The following ZNF114 variants were observed in gnomAD, a reference collection of about 807,000 sequenced individuals.
ZNF114 encodes the protein zinc finger protein 114.
ZNF114 carries 8 observed loss-of-function variants against 6.8 expected under a neutral mutation model. That is an observed-to-expected ratio of 1.18 (90% CI 0.69 to 2.13). The LOEUF is 2.13. Among genes scored for constraint, ZNF114 ranks in the 30% most tolerant of loss-of-function variants. ZNF114 has a pLI of 0.00. For synonymous variants in ZNF114, 169 were observed against 185.5 expected (o/e 0.91, Z 0.72); for missense variants, 472 against 519.5 (o/e 0.91, Z 0.89).
chr19:48,277,154 C>G (rs551641566), intron 3 of ZNF114, among the ~76,000 whole-genome samples: 2 of 151,362 alleles, frequency 1.3e-5, no homozygotes, highest in East Asian at 1.9e-4. Context: ...GAATGAGACC[C>G]TGTCTCAAAA....
chr19:48,273,494 G>A (rs559643390), intron 3 of ZNF114, among the ~76,000 whole-genome samples: 3 of 151,058 alleles, frequency 2.0e-5, no homozygotes, highest in East Asian at 3.9e-4. Context: ...CAGAACCGGC[G>A]CTCCAATTGT....
chr19:48,287,272 G>T lies in ZNF114; in HGVS notation c.*394G>T, dbSNP rs1414754905. ...GCACTTTGGGAGGCCGAGGCGGGCGGATCACGAGGTCAGGAGATCAAGACC... is the reference window on the plus strand; with the variant it reads ...GCACTTTGGGAGGCCGAGGCGGGCGTATCACGAGGTCAGGAGATCAAGACC... On this transcript the variant is annotated 3_prime_UTR_variant, in exon 6 of 6. Transcript: ENST00000595607. The T allele has an allele frequency of 6.4e-6, 1 of 155,818 alleles. No individual in the cohort carries two copies. Among genetic ancestry groups the T allele is most frequent in the Non-Finnish European group, 1.4e-5 (1 of 70,480 alleles). The allele number at this position is 155,818 out of a possible 1,614,324, so 9.7% of individuals were successfully genotyped here.
intron 3 of ZNF114, among the ~76,000 whole-genome samples, chr19:48,272,621 C>CTTTTTTTTTTTTTTTTGAGAGGGAGTCT (rs1568989041): frequency 1.5e-4 from 19 of 124,924 alleles, no homozygotes; most frequent in African/African-American, 6.1e-4. Flanking sequence ...TTGCAGTGAG[C>CTTTTTTTTTTTTTTTTGAGAGGGAGTCT]CGAGATCGTG....
chr19:48,284,381 A>G (rs1968064512), intron 5 of ZNF114, among the ~76,000 whole-genome samples: 1 of 152,054 alleles, frequency 6.6e-6, no homozygotes, highest in Non-Finnish European at 1.5e-5. Flanking sequence ...CCCAGCCAAC[A>G]TGGCAAAACA....
chr19:48,275,220 G>A (rs1967794035), intron 3 of ZNF114, among the ~76,000 whole-genome samples: 1 of 142,054 alleles, frequency 7.0e-6, no homozygotes, highest in Non-Finnish European at 1.5e-5. Flanking sequence ...GAGAAAGAGA[G>A]AGGGAAGGAA....
intron 3 of ZNF114, among the ~76,000 whole-genome samples, chr19:48,274,758 G>A (rs1027622952): frequency 2.6e-5 from 4 of 151,646 alleles, no homozygotes; most frequent in Non-Finnish European, 5.9e-5. Context: ...TGCCCGCCTC[G>A]GCCTCCCAAA....
chr19:48,284,416 A>AT lies in ZNF114; in HGVS notation c.137-1336dup, dbSNP rs34430413. ...ACTGTTCTTTTTGTCTTTAAAAACA[A>AT]TTTTTTTTTAATTAAAAGGAAAAAA... On this transcript the variant is annotated intron_variant, in intron 5 of 5. Transcript: ENST00000595607. Among the ~76,000 whole-genome samples the AT allele has an allele frequency of 3.3e-4, 50 of 151,006 alleles. 1 individual carries two copies. Among genetic ancestry groups the AT allele is most frequent in the African/African-American group, 1.0e-3 (43 of 41,052 alleles).
intron 3 of ZNF114, among the ~76,000 whole-genome samples, chr19:48,272,837 C>T (rs1309765551): frequency 6.9e-6 from 1 of 144,970 alleles, no homozygotes; most frequent in Non-Finnish European, 1.5e-5. Context: ...GCTCTGTCAC[C>T]CAGGCTGGAG....
intron 3 of ZNF114, among the ~76,000 whole-genome samples, chr19:48,274,457 G>GT (rs1186495702): frequency 2.8e-5 from 4 of 142,254 alleles, no homozygotes; most frequent in Non-Finnish European, 6.2e-5. Context: ...GTTTGTTTTT[G>GT]TTTTGTTTTA....
chr19:48,279,379 C>T (rs1041110735), intron 3 of ZNF114, among the ~76,000 whole-genome samples: 5 of 138,334 alleles, frequency 3.6e-5, no homozygotes, highest in Non-Finnish European at 7.6e-5. Flanking sequence ...GCCTGGGCAA[C>T]AGGACAAGTC....
chr19:48,280,507 G>A (rs980711866), intron 4 of ZNF114, among the ~76,000 whole-genome samples: 2 of 151,664 alleles, frequency 1.3e-5, no homozygotes, highest in African/African-American at 4.8e-5. Context: ...GTCATGACCT[G>A]CAGATGACAA....
chr19:48,279,949 A>C lies in ZNF114; in HGVS notation c.9+141A>C, dbSNP rs1021283915. 3 of 1,234,304 alleles carry C rather than the reference A, an allele frequency of 2.4e-6. No individual in the cohort carries two copies. The African/African-American group carries it at 4.5e-5, about 18-fold the overall frequency. 76.5% of individuals were successfully genotyped at this position (1,234,304 alleles called of 1,614,324 possible). ...CAGCCGTGCTGCCCTAGGTCTCTGC[A>C]CCTCTGCTTGGAGAGAGATGCTGCC... On this transcript the variant is annotated intron_variant, in intron 4 of 5. Coordinates refer to ENST00000595607, the MANE Select transcript of ZNF114 (RefSeq NM_153608.4).
chr19:48,285,740 T>C (rs752282846), intron 5 of ZNF114, 21 bp from the exon 6 acceptor site: 1 of 1,577,996 alleles, frequency 6.3e-7, no homozygotes, highest in South Asian at 1.2e-5. Flanking sequence ...AGAATTTAAC[T>C]TTTGTGCCAC....
chr19:48,285,239 T>C (rs1252276217), intron 5 of ZNF114, among the ~76,000 whole-genome samples: 2 of 152,188 alleles, frequency 1.3e-5, no homozygotes, highest in Non-Finnish European at 2.9e-5. Context: ...GGCTCATGCC[T>C]GTAATCCCAG....
intron 3 of ZNF114, 121 bp from the exon 4 acceptor site, chr19:48,279,610 G>A (rs1216523033): frequency 4.6e-6 from 3 of 649,122 alleles, no homozygotes; most frequent in Non-Finnish European, 8.1e-6. Context: ...GTTGTGGGCT[G>A]TGGTGGGGAA....
chr19:48,274,961 G>A (rs1306428135), intron 3 of ZNF114, among the ~76,000 whole-genome samples: 5 of 151,830 alleles, frequency 3.3e-5, no homozygotes, highest in Admixed American at 6.6e-5. Context: ...GTGCATTTGT[G>A]TGGTTGTTCC....
chr19:48,272,792 CTTT>C (rs1170280344), intron 3 of ZNF114, among the ~76,000 whole-genome samples: 2 of 83,766 alleles, frequency 2.4e-5, no homozygotes, highest in Non-Finnish European at 2.1e-5. Flanking sequence ...CGAGAAAGAG[CTTT>C]TTTTTTTTTT....
intron 5 of ZNF114, 145 bp from the exon 6 acceptor site, chr19:48,285,612 GAAGA>G (rs1026710479): frequency 4.8e-5 from 41 of 854,854 alleles, no homozygotes; most frequent in East Asian, 2.3e-4. Context: ...AGGAAGGAAG[GAAGA>G]AAGAAAGGAT....
rs4802460 is a variant in ZNF114, at chr19:48,282,134, G to T, written c.10-237G>T. The T allele has an allele frequency of 4.3e-3, 1,499 of 350,270 alleles. 7 individuals carry two copies. The highest frequency in any genetic ancestry group is 6.6e-3 in the Non-Finnish European group (1,259 of 190,398). 21.7% of individuals were successfully genotyped at this position (350,270 alleles called of 1,614,324 possible). ...AGGCTGGTCTCGAACTCCTGACCTT[G>T]TGATCCACCTGCCTCAGCCTCCCAA... On this transcript the variant is annotated intron_variant, in intron 4 of 5. Coordinates refer to ENST00000595607, the MANE Select transcript of ZNF114 (RefSeq NM_153608.4).
Sources: allele counts gnomAD v4.1 joint callset (sites outside exome capture counted in the v4.1 genomes callset), GRCh38; gene constraint gnomAD v4.1.1; transcripts MANE v1.5; gene names NCBI Gene and HGNC (gene_info 2026-07-23, HGNC 2026-07-21).